The following ADAMTSL1 variants were observed in gnomAD, a reference collection of about 807,000 sequenced individuals.
ADAMTSL1 encodes the protein ADAMTS-like protein 1.
In ADAMTSL1, 126 loss-of-function variants were observed where a neutral mutation model predicts 201.8. That is an observed-to-expected ratio of 0.62 (90% CI 0.54 to 0.72). ADAMTSL1 has a LOEUF of 0.72. Ranked by LOEUF, ADAMTSL1 falls within the 30% of genes least tolerant of loss-of-function variation. ADAMTSL1 has a pLI of 0.00. For missense variants in ADAMTSL1, 2,679 were observed against 2,277.8 expected, an observed-to-expected ratio of 1.18 and a Z score of -3.59; for synonymous variants, 1,121 against 903.4, an observed-to-expected ratio of 1.24 and a Z score of -4.32.
chr9:17,949,145 A>C (rs1206767016), intron 1 of ADAMTSL1, among the ~76,000 whole-genome samples: 1 of 152,230 alleles, frequency 6.6e-6, no homozygotes, highest in Admixed American at 6.5e-5. Context: ...AAACACTTAA[A>C]ATACACATAA....
At chr9:18,782,137 G>A (rs1821429253) in intron 19 of ADAMTSL1, among the ~76,000 whole-genome samples, 1 of 152,166 alleles carries the variant, frequency 6.6e-6, no homozygotes, top group Non-Finnish European at 1.5e-5. Flanking sequence ...CTCTGTGTTA[G>A]ATACTAGGGA....
chr9:17,954,627 C>T lies in ADAMTSL1; in HGVS notation c.87+47705C>T, dbSNP rs555348313. 3.9e-5 allele frequency among the ~76,000 whole-genome samples: 6 copies of T among 152,198 alleles called. No individual in the cohort carries two copies. The South Asian group carries it at 1.2e-3, about 32-fold the overall frequency. On this transcript the variant is annotated intron_variant, in intron 1 of 29. Coordinates refer to the ADAMTSL1 transcript ENST00000680146. ...TTGGTGAGGCATGGAAGGAATCATG[C>T]TTGATTATTTAATTGTTCCTTAGTG...
intron 1 of ADAMTSL1, among the ~76,000 whole-genome samples, chr9:18,041,270 A>T (rs1284444395): frequency 1.3e-5 from 2 of 152,206 alleles, no homozygotes; most frequent in Non-Finnish European, 2.9e-5. Flanking sequence ...CATTTATTTT[A>T]GTTTTTTTGT....
chr9:18,894,004 G>A (rs764050775), intron 26 of ADAMTSL1, among the ~76,000 whole-genome samples: 2 of 152,006 alleles, frequency 1.3e-5, no homozygotes, highest in Non-Finnish European at 2.9e-5. Context: ...CATGTGTGAA[G>A]AAATGAAGGG....
intron 7 of ADAMTSL1, among the ~76,000 whole-genome samples, chr9:18,646,478 G>A (rs1039410465): frequency 6.6e-6 from 1 of 151,470 alleles, no homozygotes; most frequent in Admixed American, 6.6e-5. Context: ...AGTTTTCAAA[G>A]GGAATGCTCC....
At chr9:18,820,284 A>T (rs1281438112) in intron 21 of ADAMTSL1, among the ~76,000 whole-genome samples, 1 of 152,232 alleles carries the variant, frequency 6.6e-6, no homozygotes, top group Non-Finnish European at 1.5e-5. Flanking sequence ...TACAATTTTC[A>T]GGAAGCTCAC....
chr9:18,226,611 C>T (rs7040957), intron 2 of ADAMTSL1, among the ~76,000 whole-genome samples: 127,053 of 152,048 alleles, frequency 0.84, 53,483 homozygotes, highest in East Asian at 1. Flanking sequence ...CACTTGCCTA[C>T]GCATAAGTCT....
chr9:18,140,309 C>G (rs139318931), intron 1 of ADAMTSL1, among the ~76,000 whole-genome samples: 2,106 of 152,014 alleles, frequency 0.014, 18 homozygotes, highest in Middle Eastern at 0.065. Flanking sequence ...AGTGATTTGC[C>G]GAGACTCAGG....
chr9:18,564,590 C>T (rs1445789862), intron 3 of ADAMTSL1, among the ~76,000 whole-genome samples: 3 of 152,234 alleles, frequency 2.0e-5, no homozygotes, highest in Admixed American at 6.5e-5. Flanking sequence ...CACAACCTGA[C>T]TTTCCACCAC....
intron 2 of ADAMTSL1, among the ~76,000 whole-genome samples, chr9:18,299,051 T>A (rs1407472959): frequency 6.9e-6 from 1 of 144,984 alleles, no homozygotes; most frequent in Non-Finnish European, 1.5e-5. Context: ...ATAGCCGCCG[T>A]TTTTGCTAAG....
At chr9:17,998,295 G>A (rs1456054275) in intron 1 of ADAMTSL1, among the ~76,000 whole-genome samples, 3 of 152,056 alleles carry the variant, frequency 2.0e-5, no homozygotes, top group African/African-American at 4.8e-5. Context: ...CAGAAACATA[G>A]TAAAGTTAAG....
At chr9:18,008,603 T>A (rs2131550456) in intron 1 of ADAMTSL1, among the ~76,000 whole-genome samples, 1 of 151,968 alleles carries the variant, frequency 6.6e-6, no homozygotes, top group African/African-American at 2.4e-5. Flanking sequence ...CTCATTACAG[T>A]CTACACAGGG....
chr9:18,315,110 T>G (rs558394730), intron 2 of ADAMTSL1, among the ~76,000 whole-genome samples: 1 of 152,192 alleles, frequency 6.6e-6, no homozygotes, highest in South Asian at 2.1e-4. Context: ...TGCTGATTGG[T>G]CCGTTTTACA....
rs557746259 is a variant in ADAMTSL1, at chr9:18,507,045, C to T, written c.191+2089C>T. On this transcript the variant is annotated intron_variant, in intron 2 of 28. Coordinates refer to ENST00000380548, the MANE Select transcript of ADAMTSL1 (RefSeq NM_001040272.6). ...TTGTCATCATCATTAAACTCTGGAA[C>T]AATCTGGATAGAAAATGTAATATAT... Among the ~76,000 whole-genome samples the T allele has an allele frequency of 3.9e-5, 6 of 152,266 alleles. 1 individual carries two copies. In the South Asian group the frequency reaches 1.2e-3, roughly 32 times the overall value.
intron 4 of ADAMTSL1, among the ~76,000 whole-genome samples, chr9:18,587,875 T>C (rs190013767): frequency 6.6e-6 from 1 of 152,206 alleles, no homozygotes; most frequent in Non-Finnish European, 1.5e-5. Flanking sequence ...CATTTATTAA[T>C]TGATGAACAC....
rs148690959 is a variant in ADAMTSL1, at chr9:18,680,345, C to T, written c.1170C>T (p.Ser390=). ...CCACCCCATGGACCGCGTGCTCCTC[C>T]TCGTGTGGGGGGGGCATCCAGAGCC... The part of the protein sequence containing the change: ...WEATPWTACS[S]SCGGGIQSRA... Residue 390 remains serine (S), a synonymous_variant, in exon 11 of 29, where the codon TCC becomes TCT. Coordinates refer to ENST00000380548, the MANE Select transcript of ADAMTSL1 (RefSeq NM_001040272.6). The T allele has an allele frequency of 7.4e-6, 12 of 1,614,010 alleles. No homozygotes were observed. Among genetic ancestry groups the T allele is most frequent in the Non-Finnish European group, 1.0e-5 (12 of 1,180,034 alleles).
chr9:17,919,809 A>G (rs1456929960), intron 1 of ADAMTSL1, among the ~76,000 whole-genome samples: 2 of 152,038 alleles, frequency 1.3e-5, no homozygotes, highest in African/African-American at 4.8e-5. Context: ...GGGTGGACAA[A>G]TGTTTTTATT....
At chr9:17,957,912 T>A (rs1165190721) in intron 1 of ADAMTSL1, among the ~76,000 whole-genome samples, 1 of 152,172 alleles carries the variant, frequency 6.6e-6, no homozygotes, top group Non-Finnish European at 1.5e-5. Context: ...AGCGTGGCCC[T>A]GCCAGCATCT....
chr9:17,995,604 T>C (rs906172347), intron 1 of ADAMTSL1, among the ~76,000 whole-genome samples: 3 of 152,128 alleles, frequency 2.0e-5, no homozygotes, highest in South Asian at 4.1e-4. Context: ...TTTATTATTT[T>C]AAAAGTCACA....
Sources: allele counts gnomAD v4.1 joint callset (sites outside exome capture counted in the v4.1 genomes callset), GRCh38; gene constraint gnomAD v4.1.1; transcripts MANE v1.5; gene names NCBI Gene and HGNC (gene_info 2026-07-23, HGNC 2026-07-21).